The following ATG7 variants were observed in gnomAD, a reference collection of about 807,000 sequenced individuals.
ATG7 encodes autophagy related 7, also known as ubiquitin-like modifier-activating enzyme ATG7.
A neutral mutation model predicts 82.4 loss-of-function variants in ATG7; 70 were observed. That is an observed-to-expected ratio of 0.85 (90% confidence interval 0.70 to 1.04). The LOEUF is 1.04. ATG7 is among the 50% of genes least tolerant of loss of function. ATG7 has a pLI of 0.00. For missense variants in ATG7, 792 were observed against 864.3 expected (o/e 0.92, Z 1.05); for synonymous variants, 287 against 313.0 (o/e 0.92, Z 0.88).
chr3:11,338,720 TTTAAAAGGG>T (rs1952960817), intron 11 of ATG7, among the ~76,000 whole-genome samples: 1 of 152,142 alleles, frequency 6.6e-6, no homozygotes, highest in African/African-American at 2.4e-5. Context: ...GAGTGCCCGA[TTTAAAAGGG>T]GGAAGGACGT....
intron 20 of ATG7, among the ~76,000 whole-genome samples, chr3:11,452,765 G>A (rs2085319214): frequency 6.6e-6 from 1 of 152,164 alleles, no homozygotes; most frequent in African/African-American, 2.4e-5. Context: ...TAAAGTAGAA[G>A]GGATGGCACT....
chr3:11,288,516 T>C (rs2152666262), intron 3 of ATG7: 1 of 152,298 alleles, frequency 6.6e-6, no homozygotes, highest in Admixed American at 6.5e-5. Flanking sequence ...GCCATTGGGT[T>C]AGGACTTTTT....
chr3:11,520,121 C>G (rs529179252), intron 20 of ATG7, among the ~76,000 whole-genome samples: 156 of 152,280 alleles, frequency 1.0e-3, no homozygotes, highest in African/African-American at 3.6e-3. Flanking sequence ...TCACCAAGGT[C>G]TTGTGAGACA....
At chr3:11,488,492 C>T (rs1009618819) in intron 20 of ATG7, 74 of 1,257,906 alleles carry the variant, frequency 5.9e-5, no homozygotes, top group Middle Eastern at 3.2e-4. Context: ...CTGGGGCCCG[C>T]GGGTGTCAGC....
At chr3:11,533,327 T>C (rs2092727243) in intron 20 of ATG7, among the ~76,000 whole-genome samples, 1 of 152,196 alleles carries the variant, frequency 6.6e-6, no homozygotes, top group Non-Finnish European at 1.5e-5. Flanking sequence ...TGGTTATTTA[T>C]ATGGTAAACC....
At chr3:11,505,427 C>T (rs1384761719) in intron 20 of ATG7, among the ~76,000 whole-genome samples, 1 of 152,052 alleles carries the variant, frequency 6.6e-6, no homozygotes, top group Non-Finnish European at 1.5e-5. Flanking sequence ...AGACATGGAC[C>T]TTTTGTTACT....
chr3:11,494,041 T>A (rs2090614641), intron 20 of ATG7, among the ~76,000 whole-genome samples: 1 of 152,164 alleles, frequency 6.6e-6, no homozygotes, highest in African/African-American at 2.4e-5. Context: ...AAGAAGGTGT[T>A]ACCAAAATGC....
chr3:11,358,923 A>G (rs1258462796), intron 15 of ATG7, among the ~76,000 whole-genome samples: 1 of 152,234 alleles, frequency 6.6e-6, no homozygotes, highest in South Asian at 2.1e-4. Flanking sequence ...TACTTGGTCA[A>G]TGACAACTTC....
chr3:11,403,824 A>G (rs916874380), intron 19 of ATG7, among the ~76,000 whole-genome samples: 6 of 152,238 alleles, frequency 3.9e-5, no homozygotes, highest in Middle Eastern at 3.2e-3. Context: ...CTCCTTGACA[A>G]AAGATGGCAC....
downstream of ATG7, chr3:11,558,738 C>G (rs147755206): frequency 1.9e-6 from 3 of 1,614,094 alleles, no homozygotes; most frequent in East Asian, 4.5e-5. Flanking sequence ...GTGATGGACA[C>G]GGAGTTGGGT....
chr3:11,558,909 A>G, downstream of ATG7: 4 of 1,512,282 alleles, frequency 2.6e-6, no homozygotes, highest in Non-Finnish European at 3.6e-6. Flanking sequence ...TCCCTCAGGC[A>G]GCCCAGAGCC....
chr3:11,449,534 AG>A (rs2084906084), intron 20 of ATG7, among the ~76,000 whole-genome samples: 1 of 152,184 alleles, frequency 6.6e-6, no homozygotes, highest in African/African-American at 2.4e-5. Context: ...TAGTATACAA[AG>A]AAGCTTCTCA....
At position 11,377,217 on chromosome 3, in the gene ATG7, G is replaced by A. The variant is rs112720751; in HGVS notation, c.1876-2755G>A. On this transcript the variant is annotated intron_variant, in intron 18 of 20. Coordinates refer to ENST00000693202, the MANE Select transcript of ATG7 (RefSeq NM_001349232.2). ...GTTGAGAAGAAGGGTTTCCTGTCTTGAATTATCTAAAACTGGAATTATTTT... is the reference window on the plus strand; with the variant it reads ...GTTGAGAAGAAGGGTTTCCTGTCTTAAATTATCTAAAACTGGAATTATTTT... Among the ~76,000 whole-genome samples, 910 of 152,298 alleles carry A rather than the reference G, an allele frequency of 6.0e-3. 7 individuals carry two copies. The highest frequency in any genetic ancestry group is 0.02 in the African/African-American group (824 of 41,548).
chr3:11,459,439 A>G (rs2086090828), intron 20 of ATG7, among the ~76,000 whole-genome samples: 1 of 152,090 alleles, frequency 6.6e-6, no homozygotes, highest in Non-Finnish European at 1.5e-5. Flanking sequence ...TATACTCAAC[A>G]TCATAGAAAT....
chr3:11,313,212 C>T (rs1352709996), intron 7 of ATG7, 92 bp from the exon 8 acceptor site: 2 of 737,656 alleles, frequency 2.7e-6, no homozygotes, highest in Non-Finnish European at 4.3e-6. Flanking sequence ...GCTTTGCTAT[C>T]TTAATTGGCC....
At chr3:11,559,940 A>C (rs2072822336), downstream of ATG7, among the ~76,000 whole-genome samples, 1 of 152,310 alleles carries the variant, frequency 6.6e-6, no homozygotes, top group Middle Eastern at 3.4e-3. Context: ...AGTTGGCCTC[A>C]GTGATGACCT....
intron 17 of ATG7, among the ~76,000 whole-genome samples, chr3:11,363,986 A>G (rs1465391396): frequency 6.6e-6 from 1 of 152,148 alleles, no homozygotes; most frequent in African/African-American, 2.4e-5. Flanking sequence ...ACTCTCTGAC[A>G]GGAAGTATTT....
intron 9 of ATG7, among the ~76,000 whole-genome samples, chr3:11,326,889 C>T (rs985395526): frequency 9.2e-5 from 14 of 152,128 alleles, no homozygotes; most frequent in African/African-American, 3.1e-4. Context: ...CACATTCTCA[C>T]CTAGGAGAAT....
chr3:11,342,074 C>T (rs1953730034), intron 12 of ATG7, 61 bp from the exon 13 acceptor site: 2 of 1,493,794 alleles, frequency 1.3e-6, no homozygotes, highest in South Asian at 2.7e-5. Flanking sequence ...CACTTGAAAT[C>T]TTTCAGAACA....
Sources: gnomAD v4.1 joint callset for allele counts (sites outside exome capture counted in the v4.1 genomes callset) on GRCh38, gnomAD v4.1.1 for gene constraint, MANE v1.5 for transcripts, NCBI Gene and HGNC (gene_info 2026-07-23, HGNC 2026-07-21) for gene names.